The following MAPK8IP2 variants were observed in gnomAD, a reference collection of about 807,000 sequenced individuals.
MAPK8IP2 encodes the protein mitogen-activated protein kinase 8 interacting protein 2, also known as C-Jun-amino-terminal kinase-interacting protein 2.
MAPK8IP2 carries 15 observed loss-of-function variants against 75.6 expected under a neutral mutation model. The observed-to-expected ratio is 0.20, with a 90% CI of 0.13 to 0.31. The LOEUF is 0.31. Among genes scored for constraint, MAPK8IP2 ranks in the 10% least tolerant of loss-of-function variants. The pLI is 1.00. For missense variants in MAPK8IP2, 1,089 were observed against 1,211.2 expected (o/e 0.90, Z 1.50); for synonymous variants, 632 against 554.5 (o/e 1.14, Z -1.96).
At chr22:50,601,963 C>T (rs931938682) in intron 2 of MAPK8IP2, 69 bp downstream of exon 2, 20 of 1,352,712 alleles carry the variant, frequency 1.5e-5, no homozygotes, top group Admixed American at 8.5e-5. Context: ...TTAGCGTTCA[C>T]TTGGGGTTTT....
intron 8 of MAPK8IP2, among the ~76,000 whole-genome samples, 192 bp downstream of exon 8, chr22:50,606,126 CT>C (rs1258362778): frequency 6.6e-6 from 1 of 152,210 alleles, no homozygotes; most frequent in Non-Finnish European, 1.5e-5. Flanking sequence ...GCAGGTGAGT[CT>C]AGGGCAGAGC....
Position 50,607,043 on chromosome 22 carries a change from A to G in MAPK8IP2, c.2303+52A>G, listed in dbSNP as rs2071065190. ...CCCAACCGCCCCCACAAACCCTGAG[A>G]GTCCAACCGCCCCCTGAGTCCCCAC... On this transcript the variant is annotated intron_variant, in intron 10 of 11. Coordinates refer to ENST00000329492, the MANE Select transcript of MAPK8IP2 (RefSeq NM_012324.6). This position sits in a 1 kb window ranked among gnomAD's most constrained non-coding sequence, Gnocchi z 5.6. The G allele has an allele frequency of 6.8e-7, 1 of 1,481,454 alleles. No homozygotes were observed. 91.8% of individuals were successfully genotyped at this position (1,481,454 alleles called of 1,614,324 possible).
Position 50,604,508 on chromosome 22 carries a change from C to G in MAPK8IP2, c.1209C>G (p.Pro403=). The G allele has an allele frequency of 8.2e-7, 1 of 1,219,188 alleles. No homozygotes were observed. The allele number at this position is 1,219,188 out of a possible 1,614,324, so 75.5% of individuals were successfully genotyped here. A position where few individuals can be genotyped will look rare whatever the true frequency, so the allele number is the denominator to read the frequency against. The change falls in exon 5 of 12, where the codon CCC becomes CCG. Residue 403 remains proline (P), a synonymous_variant. Coordinates refer to ENST00000329492, the MANE Select transcript of MAPK8IP2 (RefSeq NM_012324.6). Reference sequence around the variant, plus strand: ...AGGACCCCGAGGCGGCCGCGGGGCCCGGCGGCGTGGAGCTGGTGGACATGG... The same window carrying G: ...AGGACCCCGAGGCGGCCGCGGGGCCGGGCGGCGTGGAGCTGGTGGACATGG... The part of the protein sequence containing the change: ...DSQDPEAAAG[P]GGVELVDMET...
intron 2 of MAPK8IP2, 62 bp downstream of exon 2, chr22:50,601,956 G>C: frequency 2.1e-6 from 3 of 1,403,922 alleles, no homozygotes; most frequent in Non-Finnish European, 3.0e-6. Flanking sequence ...GTTCTTCTTA[G>C]CGTTCACTTG....
At chr22:50,605,136 C>T (rs2071026313) in intron 5 of MAPK8IP2, 72 bp downstream of exon 5, 2 of 1,545,064 alleles carry the variant, frequency 1.3e-6, no homozygotes, top group Non-Finnish European at 8.9e-7. Context: ...GTCCCAGGGT[C>T]CCCCACAGTG....
chr22:50,603,754 C>G lies in MAPK8IP2; in HGVS notation c.541+35C>G, dbSNP rs545454120. On this transcript the variant is annotated intron_variant, in intron 4 of 11. Transcript: ENST00000329492. ...GGTGGGCCCGCGGGGCGCGGGGAAG[C>G]GGGGGAGGAGGGCAGGGAGGATGGA... 3 of 1,538,472 alleles carry G rather than the reference C, an allele frequency of 1.9e-6. No individual in the cohort carries two copies. The African/African-American group carries it at 4.1e-5, about 21-fold the overall frequency.
Position 50,605,501 on chromosome 22 carries a change from C to T in MAPK8IP2, c.1841+58C>T, listed in dbSNP as rs556062721. 3.0e-5 allele frequency: 48 copies of T among 1,607,584 alleles called. 1 individual carries two copies. In the African/African-American group the frequency reaches 3.1e-4, roughly 10 times the overall value. On this transcript the variant is annotated intron_variant, in intron 6 of 11. Coordinates refer to ENST00000329492, the MANE Select transcript of MAPK8IP2 (RefSeq NM_012324.6). ...AGCCTCAGTCCCTGCCATCACGGAA[C>T]GCCAGTGGACACGACCGTCAATCCC... is the stretch of plus-strand genomic sequence containing the variant.
chr22:50,606,801 G>GGAT, intron 9 of MAPK8IP2, 36 bp downstream of exon 9: 1 of 1,586,452 alleles, frequency 6.3e-7, no homozygotes, highest in Non-Finnish European at 8.6e-7. Context: ...GGGGACTGGG[G>GGAT]GATAGGGTTA....
chr22:50,606,449 A>G (rs1285759424), intron 8 of MAPK8IP2, among the ~76,000 whole-genome samples: 1 of 140,252 alleles, frequency 7.1e-6, no homozygotes, highest in East Asian at 2.2e-4. Context: ...AGATGAAGCA[A>G]GCTGACTGCA....
At chr22:50,605,287 T>G in intron 5 of MAPK8IP2, 81 bp from the exon 6 acceptor site, 1 of 1,401,386 alleles carries the variant, frequency 7.1e-7, no homozygotes, top group African/African-American at 1.4e-5. Context: ...GGACTTGGCC[T>G]CTGCCCAAGG....
At chr22:50,601,476 C>T in intron 1 of MAPK8IP2, 1 of 312,416 alleles carries the variant, frequency 3.2e-6, no homozygotes, top group Admixed American at 4.0e-5. Context: ...CTCCCCTGCT[C>T]TGCAAGACCC....
chr22:50,600,910 C>G, intron 1 of MAPK8IP2, 27 bp downstream of exon 1: 6 of 1,165,098 alleles, frequency 5.1e-6, no homozygotes, highest in Non-Finnish European at 5.5e-6. Flanking sequence ...CCGGGCCGGG[C>G]GGACCCTCCG....
intron 2 of MAPK8IP2, 124 bp downstream of exon 2, chr22:50,602,018 G>A: frequency 1.4e-6 from 1 of 717,048 alleles, no homozygotes; most frequent in Non-Finnish European, 2.4e-6. Context: ...TCCTCTGATG[G>A]CTCCTCCCCA....
At position 50,605,716 on chromosome 22, in the gene MAPK8IP2, C is replaced by T. The variant is rs755749693; in HGVS notation, c.1996C>T (p.Pro666Ser). Residue 666 changes from proline to serine, a missense_variant, in exon 7 of 12, where the codon CCT (proline) becomes TCT (serine). Physicochemically the swap from Pro to Ser is moderately conservative, Grantham distance 74 (BLOSUM62 -1). Around this residue, in one of 2 missense-constraint regions of MAPK8IP2, gnomAD observed 960 missense variants for 1,009.6 expected, o/e 0.95. Coordinates refer to ENST00000329492, the MANE Select transcript of MAPK8IP2 (RefSeq NM_012324.6). ...CTTCTACGCCCATGCGGTGCCCGGC[C>T]CTGCCAAGGACCTGCTGGGTGAGGT... ...PAFYAHAVPG[P>S]AKDLLGSKRS... The T allele has an allele frequency of 3.7e-6, 6 of 1,609,282 alleles. No individual in the cohort carries two copies. Among genetic ancestry groups the T allele is most frequent in the Non-Finnish European group, 5.1e-6 (6 of 1,178,078 alleles).
In MAPK8IP2 at chr22:50,610,786, C is replaced by T; in HGVS notation, c.*7C>T. ...GGACATCTACCTGGAGTAGCCTGCC[C>T]ACCGCTCTGTCTCCTGGCCGTCTGC... is the stretch of plus-strand genomic sequence containing the variant. On this transcript the variant is annotated 3_prime_UTR_variant, in exon 12 of 12. Coordinates refer to ENST00000329492, the MANE Select transcript of MAPK8IP2 (RefSeq NM_012324.6). The surrounding 1 kb of genome is among the most constrained non-coding windows in gnomAD (Gnocchi z 4.3). The T allele has an allele frequency of 6.2e-7, 1 of 1,602,020 alleles. No homozygotes were observed. The highest frequency in any genetic ancestry group is 8.5e-7 in the Non-Finnish European group (1 of 1,174,906).
rs1256087295 is a variant in MAPK8IP2 at position 50,613,435 on chromosome 22, C to G, written c.*2656C>G. On this transcript the variant is annotated 3_prime_UTR_variant, in exon 12 of 12. Coordinates refer to ENST00000329492, the MANE Select transcript of MAPK8IP2 (RefSeq NM_012324.6). ...CCTCACCCCAGCACCTTTACGTCTG[C>G]CCCAGGCTCCATTTCCCCCTCTTCT... The G allele has an allele frequency of 6.6e-6, 1 of 152,606 alleles. No homozygotes were observed. The highest frequency in any genetic ancestry group is 1.5e-5 in the Non-Finnish European group (1 of 68,258). 9.5% of individuals were successfully genotyped at this position (152,606 alleles called of 1,614,324 possible).
In MAPK8IP2 at chr22:50,607,261, G is replaced by A. The variant is rs1344291860; in HGVS notation, c.2303+270G>A. Among the ~76,000 whole-genome samples, 1 of 152,180 alleles carries A rather than the reference G, an allele frequency of 6.6e-6. No individual in the cohort carries two copies. The highest frequency in any genetic ancestry group is 2.4e-5 in the African/African-American group (1 of 41,448). On this transcript the variant is annotated intron_variant, in intron 10 of 11. Transcript: ENST00000329492. The surrounding 1 kb of genome is among the most constrained non-coding windows in gnomAD (Gnocchi z 5.6). Reference sequence around the variant, plus strand: ...AGAAGCCTGTGTGGGTGCAGAGGACGCCTGAGTGGGCCTGGGGCTCAGGAT... The same window carrying A: ...AGAAGCCTGTGTGGGTGCAGAGGACACCTGAGTGGGCCTGGGGCTCAGGAT...
At position 50,601,646 on chromosome 22, in the gene MAPK8IP2, G is replaced by A. The variant is rs1182099795; in HGVS notation, c.66-143G>A. 1.3e-5 allele frequency: 8 copies of A among 627,234 alleles called. No homozygotes were observed. In the East Asian group the frequency reaches 1.9e-4, roughly 15 times the overall value. 38.9% of individuals were successfully genotyped at this position (627,234 alleles called of 1,614,324 possible). ...GCGAGCAGAGCTTGGGGGTCAAGATGATGGCAGGATGTGTTCCGAGAGCTG... is the reference window on the plus strand; with the variant it reads ...GCGAGCAGAGCTTGGGGGTCAAGATAATGGCAGGATGTGTTCCGAGAGCTG... On this transcript the variant is annotated intron_variant, in intron 1 of 11. Transcript: ENST00000329492.
At chr22:50,609,916 A>G in intron 10 of MAPK8IP2, 1 of 597,788 alleles carries the variant, frequency 1.7e-6, no homozygotes, top group South Asian at 1.4e-5. Context: ...GTCCTGGGGC[A>G]GGCCCTGAAT....
Sources: allele counts gnomAD v4.1 joint callset (sites outside exome capture counted in the v4.1 genomes callset), GRCh38; gene constraint gnomAD v4.1.1; regional missense constraint gnomAD v4.1.1; non-coding constraint Gnocchi (gnomAD v3.1); transcripts MANE v1.5; gene names NCBI Gene and HGNC (gene_info 2026-07-23, HGNC 2026-07-21).